Variants in ZDHHC14 observed in about 807,000 individuals in gnomAD.
The protein encoded by ZDHHC14 is palmitoyltransferase ZDHHC14.
ZDHHC14 carries 16 observed loss-of-function variants against 47.7 expected under a neutral mutation model. The ratio of observed to expected loss-of-function variants is 0.34; its 90% CI spans 0.23 to 0.51. The LOEUF (loss-of-function observed/expected upper bound fraction) is 0.51. Ranked by LOEUF, ZDHHC14 falls within the 20% of genes least tolerant of loss-of-function variation. The pLI is 0.97. For missense variants in ZDHHC14, 515 were observed against 662.5 expected, an observed-to-expected ratio of 0.78 and a Z score of 2.44; for synonymous variants, 293 against 278.9, an observed-to-expected ratio of 1.05 and a Z score of -0.50.
At chr6:157,491,961 A>G (rs914770997) in intron 1 of ZDHHC14, among the ~76,000 whole-genome samples, 3 of 152,172 alleles carry the variant, frequency 2.0e-5, no homozygotes, top group African/African-American at 7.2e-5. Flanking sequence ...CTGTTGAGTA[A>G]CCGCGCCACT....
intron 3 of ZDHHC14, among the ~76,000 whole-genome samples, chr6:157,606,751 G>A (rs1304633786): frequency 6.6e-6 from 1 of 152,232 alleles, no homozygotes; most frequent in Non-Finnish European, 1.5e-5. Context: ...TTTGCTTCTA[G>A]GGTTTGTTTA....
rs1562544047 is a variant in ZDHHC14, at chr6:157,675,590, GTCC to G, written c.*2471_*2473del. ...AAACCAGAGAGAAGCCCACAGCCCT[GTCC>G]TCTGTGGCTTGAAAAAGAAACCCAG... On this transcript the variant is annotated 3_prime_UTR_variant, in exon 9 of 9. Transcript: ENST00000359775. 1.3e-5 allele frequency: 2 copies of G among 152,214 alleles called. No individual in the cohort carries two copies. Among genetic ancestry groups the G allele is most frequent in the African/African-American group, 2.4e-5 (1 of 41,444 alleles). The allele number at this position is 152,214 out of a possible 1,614,324, so 9.4% of individuals were successfully genotyped here.
intron 1 of ZDHHC14, among the ~76,000 whole-genome samples, chr6:157,519,853 A>T (rs2114764170): frequency 6.6e-6 from 1 of 152,272 alleles, no homozygotes; most frequent in East Asian, 1.9e-4. Flanking sequence ...ACCCGTCCCT[A>T]CCCCAAGGAA....
chr6:157,455,251 G>A (rs1046650420), intron 1 of ZDHHC14, among the ~76,000 whole-genome samples: 15 of 152,208 alleles, frequency 9.9e-5, no homozygotes, highest in African/African-American at 1.9e-4. Context: ...AGAAAGACTC[G>A]GTCTTCCTGA....
At chr6:157,647,150 T>C (rs1365932894) in intron 6 of ZDHHC14, 109 bp from the exon 7 acceptor site, 1 of 743,460 alleles carries the variant, frequency 1.3e-6, no homozygotes, top group Admixed American at 2.8e-5. Context: ...TCCATTTCTT[T>C]GGATTAAAGA....
intron 1 of ZDHHC14, among the ~76,000 whole-genome samples, chr6:157,458,849 A>AGTTTTTTTTTTTTTTTTTTTT (rs1434832129): frequency 1.2e-5 from 1 of 81,226 alleles, no homozygotes; most frequent in Non-Finnish European, 2.3e-5. Flanking sequence ...ATGTGGGTGG[A>AGTTTTTTTTTTTTTTTTTTTT]TTTTTTTTTT....
intron 1 of ZDHHC14, among the ~76,000 whole-genome samples, chr6:157,540,884 A>G (rs577735433): frequency 8.8e-4 from 103 of 117,700 alleles, no homozygotes; most frequent in South Asian, 1.8e-3. Context: ...ATATATATGT[A>G]TGTATGTGTG....
chr6:157,641,212 G>C (rs1777232845), intron 5 of ZDHHC14, among the ~76,000 whole-genome samples: 1 of 152,126 alleles, frequency 6.6e-6, no homozygotes. Flanking sequence ...ATTTTCTTCT[G>C]TGTATCTCTA....
intron 1 of ZDHHC14, among the ~76,000 whole-genome samples, chr6:157,390,287 C>T (rs1298661404): frequency 6.6e-6 from 1 of 152,072 alleles, no homozygotes; most frequent in African/African-American, 2.4e-5. Context: ...GCATTTCCCC[C>T]CATATGTCAT....
At chr6:157,394,070 T>C (rs141764339) in intron 1 of ZDHHC14, among the ~76,000 whole-genome samples, 3,400 of 152,284 alleles carry the variant, frequency 0.022, 118 homozygotes, top group African/African-American at 0.078. Context: ...TTCTTCTCAA[T>C]AGACAGTCTC....
rs987306919 is a variant in ZDHHC14, at chr6:157,463,686, C to G, written c.246-78899C>G. On this transcript the variant is annotated intron_variant, in intron 1 of 8. Coordinates refer to ENST00000359775, the MANE Select transcript of ZDHHC14 (RefSeq NM_024630.3). This position sits in a 1 kb window ranked among gnomAD's most constrained non-coding sequence, Gnocchi z 4.4. Reference sequence around the variant, plus strand: ...TCAAGCTAAGCAGATGGTGCTGGCACTTCGTCCCAATGTCTCCCCGCTTTA... The same window carrying G: ...TCAAGCTAAGCAGATGGTGCTGGCAGTTCGTCCCAATGTCTCCCCGCTTTA... Among the ~76,000 whole-genome samples the G allele has an allele frequency of 1.3e-5, 2 of 152,206 alleles. No individual in the cohort carries two copies. Among genetic ancestry groups the G allele is most frequent in the East Asian group, 3.8e-4 (2 of 5,204 alleles).
intron 1 of ZDHHC14, among the ~76,000 whole-genome samples, chr6:157,415,379 G>A (rs1227180180): frequency 6.6e-6 from 1 of 152,158 alleles, no homozygotes; most frequent in Admixed American, 6.5e-5. Context: ...GAGGCAGTAA[G>A]GACAGGGAGT....
At chr6:157,626,212 T>C (rs1461737626) in intron 3 of ZDHHC14, among the ~76,000 whole-genome samples, 1 of 152,106 alleles carries the variant, frequency 6.6e-6, no homozygotes, top group African/African-American at 2.4e-5. Flanking sequence ...GTTGAGAGGC[T>C]CAAACCCACC....
At chr6:157,508,831 T>A (rs1244403133) in intron 1 of ZDHHC14, among the ~76,000 whole-genome samples, 1 of 152,222 alleles carries the variant, frequency 6.6e-6, no homozygotes, top group Non-Finnish European at 1.5e-5. Context: ...TACCAAAAAC[T>A]CCTTCTTGTT....
At chr6:157,564,702 C>T (rs903406704) in intron 2 of ZDHHC14, among the ~76,000 whole-genome samples, 1 of 152,170 alleles carries the variant, frequency 6.6e-6, no homozygotes, top group Non-Finnish European at 1.5e-5. Flanking sequence ...GATTTCACAG[C>T]ACTTATAGTC....
chr6:157,482,050 C>A (rs1374357610), intron 1 of ZDHHC14, among the ~76,000 whole-genome samples: 1 of 152,032 alleles, frequency 6.6e-6, no homozygotes, highest in Non-Finnish European at 1.5e-5. Flanking sequence ...TTGATCAGTT[C>A]TTTCCATGGG....
chr6:157,467,398 C>T (rs1344605908), intron 1 of ZDHHC14, among the ~76,000 whole-genome samples: 1 of 152,036 alleles, frequency 6.6e-6, no homozygotes, highest in Non-Finnish European at 1.5e-5. Context: ...CTATTCTGGA[C>T]GTTTCAGATA....
chr6:157,420,102 G>A (rs1474491872), intron 1 of ZDHHC14, among the ~76,000 whole-genome samples: 1 of 152,246 alleles, frequency 6.6e-6, no homozygotes, highest in Non-Finnish European at 1.5e-5. Context: ...AAGGTCTCTA[G>A]CATGGAATGA....
chr6:157,588,275 A>C (rs941015786), intron 2 of ZDHHC14, among the ~76,000 whole-genome samples: 2 of 151,458 alleles, frequency 1.3e-5, no homozygotes, highest in South Asian at 4.2e-4. Flanking sequence ...ATAAATAAAT[A>C]TATAAATAAA....
Sources: gnomAD v4.1 joint callset for allele counts (sites outside exome capture counted in the v4.1 genomes callset) on GRCh38, gnomAD v4.1.1 for gene constraint, Gnocchi (gnomAD v3.1) non-coding constraint, MANE v1.5 for transcripts, NCBI Gene and HGNC (gene_info 2026-07-23, HGNC 2026-07-21) for gene names.